WDR72: variants seen among roughly 807,000 people sequenced by gnomAD.
The protein encoded by WDR72 is WD repeat-containing protein 72.
WDR72 carries 120 observed loss-of-function variants against 124.2 expected under a neutral mutation model. That is an observed-to-expected ratio of 0.97 (90% confidence interval 0.83 to 1.12). The LOEUF (loss-of-function observed/expected upper bound fraction) is 1.12, where lower values mean the gene tolerates loss of function less well. Among genes scored for constraint, WDR72 ranks in the 50% most tolerant of loss-of-function variants. The pLI is 0.00. For missense variants in WDR72, 1,387 were observed against 1,278.8 expected (o/e 1.08, Z -1.29); for synonymous variants, 452 against 441.7 (o/e 1.02, Z -0.29).
intron 17 of WDR72, among the ~76,000 whole-genome samples, chr15:53,607,567 C>T (rs1466102178): frequency 6.6e-6 from 1 of 152,028 alleles, no homozygotes; most frequent in African/African-American, 2.4e-5. Flanking sequence ...CAAACTACTA[C>T]AAGAAAACAT....
intron 19 of WDR72, among the ~76,000 whole-genome samples, chr15:53,518,459 T>TAAAAAATATGTTGATGCTTG (rs2140196976): frequency 6.6e-6 from 1 of 152,190 alleles, no homozygotes; most frequent in South Asian, 2.1e-4. Context: ...TTGCATTCTT[T>TAAAAAATATGTTGATGCTTG]AAAAAATATG....
At chr15:53,668,968 G>C (rs867907225) in intron 13 of WDR72, among the ~76,000 whole-genome samples, 6 of 99,908 alleles carry the variant, frequency 6.0e-5, no homozygotes, top group South Asian at 3.9e-4. Context: ...GGAGAAGGAG[G>C]AGGAGGAGGA....
chr15:53,563,759 T>C (rs185105647), intron 18 of WDR72, among the ~76,000 whole-genome samples: 2 of 151,916 alleles, frequency 1.3e-5, no homozygotes, highest in African/African-American at 4.8e-5. Context: ...TCACACTGAT[T>C]ACTTGATGTA....
At chr15:53,549,377 A>T (rs1893630226) in intron 18 of WDR72, among the ~76,000 whole-genome samples, 1 of 152,194 alleles carries the variant, frequency 6.6e-6, no homozygotes, top group Non-Finnish European at 1.5e-5. Flanking sequence ...CTCTGCTCAA[A>T]AATTGTCTAT....
intron 3 of WDR72, among the ~76,000 whole-genome samples, chr15:53,718,837 C>T (rs1382081100): frequency 1.3e-5 from 2 of 150,180 alleles, no homozygotes; most frequent in African/African-American, 2.4e-5. Flanking sequence ...TTTTAAAAAT[C>T]TTAAGAATTT....
intron 13 of WDR72, among the ~76,000 whole-genome samples, chr15:53,673,829 A>C (rs1038285877): frequency 6.6e-6 from 1 of 152,094 alleles, no homozygotes; most frequent in Admixed American, 6.6e-5. Flanking sequence ...GTCTCTACTA[A>C]AAATACAAAA....
intron 14 of WDR72, among the ~76,000 whole-genome samples, chr15:53,629,445 G>T (rs189148834): frequency 8.6e-5 from 13 of 150,348 alleles, no homozygotes; most frequent in Admixed American, 7.9e-4. Context: ...TCAGAGGAAT[G>T]ACATTCATAA....
intron 13 of WDR72, among the ~76,000 whole-genome samples, chr15:53,671,106 T>C (rs987272249): frequency 1.3e-5 from 2 of 152,234 alleles, no homozygotes; most frequent in Non-Finnish European, 2.9e-5. Flanking sequence ...ATAGATTATA[T>C]GACATCAACA....
chr15:53,729,126 A>T (rs2018126568), intron 2 of WDR72, among the ~76,000 whole-genome samples: 1 of 152,144 alleles, frequency 6.6e-6, no homozygotes, highest in African/African-American at 2.4e-5. Flanking sequence ...TAAATCTGGG[A>T]AAGATCCTTG....
intron 18 of WDR72, among the ~76,000 whole-genome samples, chr15:53,581,167 G>A (rs557823799): frequency 1.3e-5 from 2 of 152,118 alleles, no homozygotes; most frequent in Admixed American, 6.6e-5. Context: ...GTGTGTGTGT[G>A]TTTAATGTTA....
At chr15:53,659,584 C>T (rs554807513) in intron 14 of WDR72, among the ~76,000 whole-genome samples, 30 of 151,740 alleles carry the variant, frequency 2.0e-4, no homozygotes, top group Middle Eastern at 3.4e-3. Flanking sequence ...AGTTTTGAAA[C>T]GAAGCTGTGA....
At chr15:53,669,234 A>C (rs2015906464) in intron 13 of WDR72, among the ~76,000 whole-genome samples, 1 of 152,158 alleles carries the variant, frequency 6.6e-6, no homozygotes, top group African/African-American at 2.4e-5. Context: ...CGCCTCCAGC[A>C]AGACATCTCC....
intron 1 of WDR72, among the ~76,000 whole-genome samples, chr15:53,739,705 T>G (rs1408868131): frequency 6.6e-6 from 1 of 152,036 alleles, no homozygotes; most frequent in South Asian, 2.1e-4. Flanking sequence ...TCACCACAGC[T>G]TTTAGTATTG....
At chr15:53,757,573 A>G (rs2018943041) in intron 1 of WDR72, among the ~76,000 whole-genome samples, 1 of 152,100 alleles carries the variant, frequency 6.6e-6, no homozygotes, top group East Asian at 1.9e-4. Context: ...CAGTGAGCCG[A>G]GATAGTACCA....
intron 1 of WDR72, among the ~76,000 whole-genome samples, chr15:53,743,332 G>A (rs1447024417): frequency 6.6e-6 from 1 of 151,746 alleles, no homozygotes; most frequent in Non-Finnish European, 1.5e-5. Flanking sequence ...TGAAATAAAA[G>A]CATAATATTA....
chr15:53,518,798 G>A (rs473664), intron 19 of WDR72, among the ~76,000 whole-genome samples: 72,180 of 151,612 alleles, frequency 0.48, 17,616 homozygotes, highest in African/African-American at 0.58. Flanking sequence ...GCTTTTCACA[G>A]TATAGTATCC....
intron 14 of WDR72, among the ~76,000 whole-genome samples, chr15:53,640,693 T>C (rs2014814052): frequency 6.6e-6 from 1 of 152,178 alleles, no homozygotes; most frequent in Admixed American, 6.5e-5. Context: ...AGTTATTCTT[T>C]TGTCATGCTG....
chr15:53,642,446 G>A (rs1044423078), intron 14 of WDR72, among the ~76,000 whole-genome samples: 7 of 151,956 alleles, frequency 4.6e-5, no homozygotes, highest in South Asian at 2.1e-4. Context: ...ACACACCAAT[G>A]TGTACACATA....
At chr15:53,590,144 T>C (rs2012423608) in intron 18 of WDR72, among the ~76,000 whole-genome samples, 1 of 152,010 alleles carries the variant, frequency 6.6e-6, no homozygotes, top group Non-Finnish European at 1.5e-5. Context: ...TTAAATGAGA[T>C]TGTCTATTAG....
Sources: gnomAD v4.1 joint callset for allele counts (sites outside exome capture counted in the v4.1 genomes callset) on GRCh38, gnomAD v4.1.1 for gene constraint, MANE v1.5 for transcripts, NCBI Gene and HGNC (gene_info 2026-07-23, HGNC 2026-07-21) for gene names.